Variants in RGMA observed in about 807,000 individuals in gnomAD.
RGMA encodes repulsive guidance molecule A.
A neutral mutation model predicts 23.2 loss-of-function variants in RGMA; 10 were observed. That is an observed-to-expected ratio of 0.43 (90% confidence interval 0.27 to 0.73). The LOEUF (loss-of-function observed/expected upper bound fraction) is 0.73, where lower values mean the gene tolerates loss of function less well. RGMA is among the 30% of genes least tolerant of loss of function. RGMA has a pLI of 0.20. For missense variants in RGMA, 547 were observed against 630.5 expected (o/e 0.87, Z 1.42); for synonymous variants, 308 against 279.3 (o/e 1.10, Z -1.03).
In RGMA at chr15:93,043,275, T is replaced by TACACACATGCGCGCAC. The variant is rs1183569450; in HGVS notation, c.*1707_*1722dup. On this transcript the variant is annotated 3_prime_UTR_variant, in exon 4 of 4. Transcript: ENST00000329082. ...AGGCACGCACACACACAGGCATGCA[T>TACACACATGCGCGCAC]ACACACATGCGCGCACACACACATG... 1.9e-4 allele frequency: 18 copies of TACACACATGCGCGCAC among 94,482 alleles called. No homozygotes were observed. Among genetic ancestry groups the TACACACATGCGCGCAC allele is most frequent in the African/African-American group, 1.1e-3 (15 of 13,322 alleles). The allele number at this position is 94,482 out of a possible 1,614,324, so 5.9% of individuals were successfully genotyped here.
intron 1 of RGMA, among the ~76,000 whole-genome samples, chr15:93,076,615 T>C (rs150690374): frequency 1.3e-5 from 2 of 152,336 alleles, no homozygotes; most frequent in East Asian, 3.9e-4. Context: ...TCTTTCAAAA[T>C]AATGGCTAAT....
intron 2 of RGMA, chr15:93,066,687 C>T (rs1895167332): frequency 1.3e-5 from 5 of 380,464 alleles, no homozygotes; most frequent in East Asian, 9.0e-5. Context: ...CGCCGCCGCC[C>T]GGTTTTTTAT....
intron 3 of RGMA, among the ~76,000 whole-genome samples, chr15:93,049,473 G>A (rs1428727937): frequency 6.6e-6 from 1 of 152,226 alleles, no homozygotes; most frequent in African/African-American, 2.4e-5. Context: ...GATGGGAAGA[G>A]GGTGATGGAG....
intron 2 of RGMA, chr15:93,065,760 A>G (rs1567189866): frequency 1.7e-6 from 2 of 1,152,078 alleles, no homozygotes; most frequent in Non-Finnish European, 2.6e-6. Context: ...GCTTGGTCTC[A>G]CCGTCCCCAC....
chr15:93,049,977 A>C (rs1195491209), intron 3 of RGMA, among the ~76,000 whole-genome samples: 1 of 152,166 alleles, frequency 6.6e-6, no homozygotes, highest in African/African-American at 2.4e-5. Context: ...CCCTGCAGAC[A>C]CCAGGCTGCT....
chr15:93,051,601 C>G (rs1015291794), intron 3 of RGMA, among the ~76,000 whole-genome samples: 1 of 152,210 alleles, frequency 6.6e-6, no homozygotes, highest in Non-Finnish European at 1.5e-5. Context: ...TTGCTGAGGC[C>G]TCCTTGGGTT....
intron 3 of RGMA, among the ~76,000 whole-genome samples, chr15:93,051,197 A>C (rs2054912845): frequency 6.6e-6 from 1 of 152,212 alleles, no homozygotes; most frequent in Non-Finnish European, 1.5e-5. Flanking sequence ...CTTGGCTGCC[A>C]GGTCACCTCG....
intron 1 of RGMA, among the ~76,000 whole-genome samples, chr15:93,077,512 C>G (rs959942685): frequency 6.6e-6 from 1 of 152,196 alleles, no homozygotes; most frequent in Non-Finnish European, 1.5e-5. Flanking sequence ...CAAGCCAAGA[C>G]AGATAACCTA....
At chr15:93,078,615 G>C (rs994082380) in intron 1 of RGMA, among the ~76,000 whole-genome samples, 2 of 152,032 alleles carry the variant, frequency 1.3e-5, no homozygotes, top group African/African-American at 2.4e-5. Flanking sequence ...CGCCTTTCTG[G>C]CTTCATCTTT....
At chr15:93,060,211 C>T (rs2055080115) in intron 2 of RGMA, among the ~76,000 whole-genome samples, 1 of 152,232 alleles carries the variant, frequency 6.6e-6, no homozygotes, top group African/African-American at 2.4e-5. Context: ...GGGCCACCCT[C>T]CGGCCCCTTG....
At chr15:93,056,632 G>A (rs2055019303) in intron 2 of RGMA, among the ~76,000 whole-genome samples, 1 of 152,168 alleles carries the variant, frequency 6.6e-6, no homozygotes, top group Non-Finnish European at 1.5e-5. Flanking sequence ...CTGGTGGTGA[G>A]GTGAGCTCCG....
In RGMA at chr15:93,088,194, A is replaced by AT. The variant is rs56761079; in HGVS notation, c.14+724dup. On this transcript the variant is annotated intron_variant, in intron 1 of 3. Transcript: ENST00000329082. ...GAGCAAGTCTAATACAATTACATTA[A>AT]TAAGACGCAATCCCGAATTGCACCC... is the stretch of plus-strand genomic sequence containing the variant. The AT allele has an allele frequency of 4.1e-3, 3,466 of 855,106 alleles. 85 individuals are homozygous for AT. In the African/African-American group the frequency reaches 0.057, roughly 14 times the overall value. 53.0% of individuals were successfully genotyped at this position (855,106 alleles called of 1,614,324 possible).
At chr15:93,084,333 C>G (rs1410521465) in intron 1 of RGMA, among the ~76,000 whole-genome samples, 1 of 152,190 alleles carries the variant, frequency 6.6e-6, no homozygotes, top group Admixed American at 6.5e-5. Context: ...TTTGAACGGG[C>G]AGAATGGTAT....
intron 2 of RGMA, among the ~76,000 whole-genome samples, chr15:93,068,051 G>T (rs1895212948): frequency 6.6e-6 from 1 of 152,136 alleles, no homozygotes; most frequent in Admixed American, 6.5e-5. Flanking sequence ...TACAGGCTAG[G>T]CATGAGTCCA....
intron 3 of RGMA, among the ~76,000 whole-genome samples, chr15:93,047,523 C>CT (rs1426781570): frequency 1.3e-5 from 2 of 152,162 alleles, no homozygotes; most frequent in Admixed American, 6.5e-5. Context: ...GGCCCGGCAA[C>CT]TACCCCCACC....
intron 3 of RGMA, among the ~76,000 whole-genome samples, chr15:93,049,228 G>A (rs569206176): frequency 2.6e-5 from 4 of 152,280 alleles, no homozygotes; most frequent in Admixed American, 1.3e-4. Context: ...TACTATCTAC[G>A]GAGCACCACC....
chr15:93,066,379 C>T (rs557441585), intron 2 of RGMA: 77 of 697,216 alleles, frequency 1.1e-4, no homozygotes, highest in African/African-American at 1.1e-3. Flanking sequence ...AGCTTGTTCG[C>T]GTGACTCCAG....
intron 1 of RGMA, among the ~76,000 whole-genome samples, chr15:93,079,007 T>C (rs551274975): frequency 6.6e-6 from 1 of 152,364 alleles, no homozygotes; most frequent in African/African-American, 2.4e-5. Flanking sequence ...TCTTGCTAAC[T>C]CCTAAGCTCA....
intron 3 of RGMA, among the ~76,000 whole-genome samples, chr15:93,050,418 G>A (rs1012528336): frequency 3.9e-5 from 6 of 152,192 alleles, no homozygotes; most frequent in African/African-American, 1.2e-4. Context: ...AGACACTGAC[G>A]CTGTCACTGT....
Sources: allele counts gnomAD v4.1 joint callset (sites outside exome capture counted in the v4.1 genomes callset), GRCh38; gene constraint gnomAD v4.1.1; transcripts MANE v1.5; gene names NCBI Gene and HGNC (gene_info 2026-07-23, HGNC 2026-07-21).